The following ANKS1B variants were observed in gnomAD, a reference collection of about 807,000 sequenced individuals.
The protein encoded by ANKS1B is ankyrin repeat and sterile alpha motif domain-containing protein 1B.
Under a neutral mutation model 148.3 loss-of-function variants are expected in ANKS1B, and 36 were observed. The ratio of observed to expected loss-of-function variants is 0.24; its 90% CI spans 0.19 to 0.32. The LOEUF (loss-of-function observed/expected upper bound fraction) is 0.32, where lower values mean the gene tolerates loss of function less well. Among genes scored for constraint, ANKS1B ranks in the 10% least tolerant of loss-of-function variants. The pLI is 1.00. For missense variants in ANKS1B, 1,157 were observed against 1,542.6 expected (o/e 0.75, Z 4.19); for synonymous variants, 542 against 560.8 (o/e 0.97, Z 0.47).
chr12:99,826,014 A>G (rs1385190866), intron 1 of ANKS1B, among the ~76,000 whole-genome samples: 1 of 96,078 alleles, frequency 1.0e-5, no homozygotes, highest in Non-Finnish European at 2.2e-5. Flanking sequence ...TATATAAAAG[A>G]GTCTATTTTT....
intron 12 of ANKS1B, among the ~76,000 whole-genome samples, chr12:99,302,490 C>T (rs1053116525): frequency 2.0e-5 from 3 of 152,160 alleles, no homozygotes; most frequent in East Asian, 3.9e-4. Context: ...TCTGATTCCC[C>T]TTGAAAATAG....
At chr12:99,326,284 T>G (rs986448840) in intron 12 of ANKS1B, among the ~76,000 whole-genome samples, 2 of 152,092 alleles carry the variant, frequency 1.3e-5, no homozygotes, top group African/African-American at 4.8e-5. Flanking sequence ...GTTGACTTTC[T>G]GGAGGGTCAA....
At chr12:98,974,807 CCTT>C (rs1053701914) in intron 17 of ANKS1B, among the ~76,000 whole-genome samples, 1 of 152,082 alleles carries the variant, frequency 6.6e-6, no homozygotes, top group Non-Finnish European at 1.5e-5. Flanking sequence ...TGCCTTCTTG[CCTT>C]CTTGTCTCCT....
intron 17 of ANKS1B, among the ~76,000 whole-genome samples, chr12:98,972,789 T>G (rs1380674784): frequency 1.3e-5 from 2 of 152,186 alleles, no homozygotes; most frequent in African/African-American, 4.8e-5. Flanking sequence ...TATGGGTGTT[T>G]CAATATCATC....
At chr12:98,787,579 A>C (rs76730620) in intron 22 of ANKS1B, among the ~76,000 whole-genome samples, 6,287 of 152,200 alleles carry the variant, frequency 0.041, 194 homozygotes, top group East Asian at 0.13. Context: ...TGTTAAAGGA[A>C]CAGGCCAGTG....
intron 20 of ANKS1B, among the ~76,000 whole-genome samples, chr12:98,806,814 C>G (rs558674020): frequency 6.6e-6 from 1 of 152,276 alleles, no homozygotes; most frequent in South Asian, 2.1e-4. Context: ...TGGCTACTTA[C>G]GAACACATAA....
chr12:98,840,996 A>G (rs2099402835), intron 17 of ANKS1B, among the ~76,000 whole-genome samples: 1 of 152,202 alleles, frequency 6.6e-6, no homozygotes, highest in Non-Finnish European at 1.5e-5. Context: ...TAGCATCTGA[A>G]AAGTGCAAAT....
chr12:98,890,630 A>G (rs2152666864), intron 17 of ANKS1B, among the ~76,000 whole-genome samples: 1 of 152,364 alleles, frequency 6.6e-6, no homozygotes, highest in South Asian at 2.1e-4. Context: ...TGTTGCAGTT[A>G]CAACTACGTG....
intron 12 of ANKS1B, among the ~76,000 whole-genome samples, chr12:99,330,610 T>C (rs546868969): frequency 4.2e-4 from 64 of 152,156 alleles, no homozygotes; most frequent in Non-Finnish European, 6.9e-4. Flanking sequence ...TTTTAATGGC[T>C]GCAGGTGTTT....
At chr12:99,240,538 G>C (rs929546992) in intron 14 of ANKS1B, among the ~76,000 whole-genome samples, 1 of 152,164 alleles carries the variant, frequency 6.6e-6, no homozygotes, top group African/African-American at 2.4e-5. Context: ...TCCAGGACTT[G>C]AACTCAGCTC....
At chr12:99,115,474 G>T (rs1048417718) in intron 15 of ANKS1B, among the ~76,000 whole-genome samples, 5 of 152,184 alleles carry the variant, frequency 3.3e-5, no homozygotes, top group Non-Finnish European at 1.5e-5. Context: ...CCTTGAGGGT[G>T]ATGGTTGGGA....
intron 9 of ANKS1B, among the ~76,000 whole-genome samples, chr12:99,550,808 C>G (rs987205392): frequency 3.9e-5 from 6 of 152,118 alleles, no homozygotes; most frequent in African/African-American, 7.2e-5. Flanking sequence ...ACAACAACAA[C>G]TATAAAGCTT....
intron 12 of ANKS1B, among the ~76,000 whole-genome samples, chr12:99,367,927 C>G (rs933314219): frequency 1.3e-5 from 2 of 151,908 alleles, no homozygotes; most frequent in African/African-American, 2.4e-5. Flanking sequence ...GACATCTGAA[C>G]TATGTAAATG....
chr12:99,816,026 T>C (rs990265989), intron 2 of ANKS1B, among the ~76,000 whole-genome samples: 5 of 151,864 alleles, frequency 3.3e-5, no homozygotes, highest in Non-Finnish European at 7.4e-5. Context: ...GATCTAATGA[T>C]AGATCTGCTT....
chr12:99,959,054 C>CTTTTTT (rs149006911), intron 1 of ANKS1B, among the ~76,000 whole-genome samples: 1 of 121,004 alleles, frequency 8.3e-6, no homozygotes, highest in African/African-American at 3.4e-5. Flanking sequence ...AAAGAACATG[C>CTTTTTT]TTTTTTTTTT....
intron 17 of ANKS1B, among the ~76,000 whole-genome samples, chr12:98,865,113 G>A (rs1164001086): frequency 6.6e-6 from 1 of 152,130 alleles, no homozygotes; most frequent in Non-Finnish European, 1.5e-5. Context: ...GTATGTGGCT[G>A]GGCCCTCAGA....
At chr12:99,134,696 CACA>C (rs2067397653) in intron 15 of ANKS1B, among the ~76,000 whole-genome samples, 2 of 127,806 alleles carry the variant, frequency 1.6e-5, no homozygotes, top group African/African-American at 5.8e-5. Flanking sequence ...CACACACACA[CACA>C]CCAGGCATTT....
At chr12:98,815,035 T>C (rs2099128340) in intron 19 of ANKS1B, among the ~76,000 whole-genome samples, 1 of 152,198 alleles carries the variant, frequency 6.6e-6, no homozygotes. Context: ...ATAAAAAGAA[T>C]ATAACCAATT....
intron 12 of ANKS1B, among the ~76,000 whole-genome samples, chr12:99,342,459 C>T (rs758332113): frequency 1.3e-5 from 2 of 151,952 alleles, no homozygotes; most frequent in East Asian, 1.9e-4. Flanking sequence ...ACTGACCCTG[C>T]GATAAGTCTA....
Sources: allele counts gnomAD v4.1 joint callset (sites outside exome capture counted in the v4.1 genomes callset), GRCh38; gene constraint gnomAD v4.1.1; transcripts MANE v1.5; gene names NCBI Gene and HGNC (gene_info 2026-07-23, HGNC 2026-07-21).